AHCTF1: variants seen among roughly 807,000 people sequenced by gnomAD.
AHCTF1 encodes protein ELYS.
AHCTF1 carries 24 observed loss-of-function variants against 248.4 expected under a neutral mutation model. The observed-to-expected ratio is 0.10, with a 90% CI of 0.07 to 0.14. The LOEUF is 0.14. AHCTF1 is among the 10% of genes least tolerant of loss of function. The pLI, the probability that AHCTF1 is intolerant of heterozygous loss-of-function variation, is 1.00. For missense variants in AHCTF1, 2,206 were observed against 2,636.2 expected, an observed-to-expected ratio of 0.84 and a Z score of 3.57; for synonymous variants, 786 against 929.8, an observed-to-expected ratio of 0.85 and a Z score of 2.81.
intron 1 of AHCTF1, among the ~76,000 whole-genome samples, 179 bp from the exon 2 acceptor site, chr1:246,918,556 G>T (rs1666306773): frequency 6.6e-6 from 1 of 152,378 alleles, no homozygotes; most frequent in South Asian, 2.1e-4. Flanking sequence ...CAGCTACTTG[G>T]GAGGCTGAGG....
intron 6 of AHCTF1, 107 bp downstream of exon 6, chr1:246,905,434 T>G (rs555618531): frequency 1.3e-6 from 1 of 797,844 alleles, no homozygotes; most frequent in Non-Finnish European, 2.1e-6. Context: ...GAGGCGGAGG[T>G]TGCAGTGAGC....
rs758717529 is a variant in AHCTF1, at chr1:246,864,103, C to G, written c.3361G>C (p.Val1121Leu). 3.1e-6 allele frequency: 5 copies of G among 1,613,718 alleles called. No homozygotes were observed. Among genetic ancestry groups the G allele is most frequent in the Non-Finnish European group, 4.2e-6 (5 of 1,179,874 alleles). The change falls in exon 27 of 36, where the codon GTT becomes CTT. Residue 1121 changes from valine (V) to leucine (L), a missense_variant. Around this residue, in one of 6 missense-constraint regions of AHCTF1, gnomAD observed 955 missense variants for 1,055.6 expected, o/e 0.90. Transcript: ENST00000648844. ...SQKISRLLDL[V>L]VQPVPRPSQC... ...GAAGGCCGGGGGACAGGCTGAACAA[C>G]CAAATCTAGCAGTCTGTAATCAGAA...
intron 7 of AHCTF1, among the ~76,000 whole-genome samples, chr1:246,902,953 C>T (rs1665111037): frequency 6.6e-6 from 1 of 152,158 alleles, no homozygotes; most frequent in Non-Finnish European, 1.5e-5. Flanking sequence ...ACTGGAATAA[C>T]CATCAAAATT....
intron 3 of AHCTF1, among the ~76,000 whole-genome samples, chr1:246,914,936 CATT>C (rs1286170662): frequency 6.6e-6 from 1 of 152,220 alleles, no homozygotes; most frequent in Non-Finnish European, 1.5e-5. Flanking sequence ...AGCTCCTCAT[CATT>C]ATTTACCTGA....
chr1:246,910,111 C>T (rs573292261), intron 4 of AHCTF1, among the ~76,000 whole-genome samples: 1 of 152,326 alleles, frequency 6.6e-6, no homozygotes, highest in East Asian at 1.9e-4. Flanking sequence ...TGCCAAAATA[C>T]TAAACCTTCA....
At chr1:246,916,422 T>G (rs1263108637) in intron 2 of AHCTF1, 27 bp from the exon 3 acceptor site, 11 of 1,596,062 alleles carry the variant, frequency 6.9e-6, no homozygotes, top group Non-Finnish European at 9.4e-6. Flanking sequence ...TTGCCTATTT[T>G]AATATTGTAT....
intron 35 of AHCTF1, 41 bp downstream of exon 35, chr1:246,842,653 T>C (rs779300922): frequency 8.0e-6 from 12 of 1,503,458 alleles, no homozygotes; most frequent in South Asian, 2.3e-5. Context: ...CGAGACTGTC[T>C]CAATCAATCA....
rs367920072 is a variant in AHCTF1, at chr1:246,900,396, T to C, written c.1191A>G (p.Val397=). 1.1e-5 allele frequency: 17 copies of C among 1,600,240 alleles called. No homozygotes were observed. In the South Asian group the frequency reaches 1.3e-4, roughly 12 times the overall value. The change falls in exon 9 of 36, where the codon GTA becomes GTG. Residue 397 remains valine, a synonymous_variant. Transcript: ENST00000648844. ...GATTTATATCAAAAAGCCCCAAATA[T>C]ACAGAAGGCTTTCCCTGTCCATATA... The part of the protein sequence containing the change: ...VNIYGQGKPS[V]YLGLFDINRW...
intron 5 of AHCTF1, among the ~76,000 whole-genome samples, chr1:246,907,254 G>A (rs905180390): frequency 6.6e-6 from 1 of 152,078 alleles, no homozygotes; most frequent in Non-Finnish European, 1.5e-5. Context: ...GACTGTTGTT[G>A]ACCAAAACGT....
rs1485954134 is a variant in AHCTF1, at chr1:246,861,339, CAGTTA to C, written c.3736-49_3736-45del. The stretch of plus-strand genomic sequence containing the variant: ...AAAAGAAAAAAATTAGTAAATATCA[CAGTTA>C]AGTCTAGTCCTAAGCTACCCATCCC... On this transcript the variant is annotated intron_variant, in intron 28 of 35. Coordinates refer to ENST00000648844, the MANE Select transcript of AHCTF1 (RefSeq NM_001323342.2). 2.6e-6 allele frequency: 4 copies of C among 1,512,644 alleles called. No individual in the cohort carries two copies. The African/African-American group carries it at 5.5e-5, about 21-fold the overall frequency. 93.7% of individuals were successfully genotyped at this position (1,512,644 alleles called of 1,614,324 possible).
intron 14 of AHCTF1, among the ~76,000 whole-genome samples, chr1:246,892,353 C>T (rs1180956200): frequency 7.1e-4 from 88 of 123,432 alleles, no homozygotes; most frequent in Middle Eastern, 6.4e-3. Context: ...CTTGCTCTGT[C>T]GCCCAGGCTG....
At chr1:246,860,132 C>T (rs1275312715) in intron 29 of AHCTF1, among the ~76,000 whole-genome samples, 7 of 151,144 alleles carry the variant, frequency 4.6e-5, no homozygotes, top group Admixed American at 6.6e-5. Context: ...TGGTGGGGGG[C>T]GACTATAGTC....
chr1:246,861,324 AATTAGTAAAT>A (rs1661533686), intron 28 of AHCTF1, 29 bp from the exon 29 acceptor site: 2 of 1,557,196 alleles, frequency 1.3e-6, no homozygotes, highest in East Asian at 4.5e-5. Flanking sequence ...AAAAGAAAAA[AATTAGTAAAT>A]ATCACAGTTA....
intron 1 of AHCTF1, among the ~76,000 whole-genome samples, chr1:246,922,904 A>G (rs1224230915): frequency 6.8e-6 from 1 of 147,542 alleles, no homozygotes; most frequent in Non-Finnish European, 1.5e-5. Context: ...AATGGCATGA[A>G]CCCAGGAGGC....
chr1:246,881,808 A>T (rs1489114542), intron 21 of AHCTF1, among the ~76,000 whole-genome samples: 1 of 146,216 alleles, frequency 6.8e-6, no homozygotes, highest in Admixed American at 6.9e-5. Context: ...ACTGCACCCC[A>T]GCCTGGGTAA....
At position 246,887,368 on chromosome 1, in the gene AHCTF1, G is replaced by C. The variant is rs1186928613; in HGVS notation, c.2326-11C>G. 5.0e-6 allele frequency: 8 copies of C among 1,602,594 alleles called. No homozygotes were observed. Among genetic ancestry groups the C allele is most frequent in the Non-Finnish European group, 6.8e-6 (8 of 1,175,290 alleles). ...TAGCAAATAAATGGTCTTTTAAAAA[G>C]CGGATTAAGGACAATAAAATACAAC... On this transcript the variant is annotated splice_polypyrimidine_tract_variant and intron_variant, in intron 19 of 35. Transcript: ENST00000648844.
At chr1:246,859,764 G>A (rs2103062975) in intron 29 of AHCTF1, among the ~76,000 whole-genome samples, 1 of 152,092 alleles carries the variant, frequency 6.6e-6, no homozygotes, top group African/African-American at 2.4e-5. Flanking sequence ...TTTTTGTAGA[G>A]ATGGGGTCTC....
At chr1:246,911,720 G>C (rs2103209511) in intron 4 of AHCTF1, among the ~76,000 whole-genome samples, 1 of 152,242 alleles carries the variant, frequency 6.6e-6, no homozygotes, top group Admixed American at 6.5e-5. Flanking sequence ...CCGACCTCAA[G>C]TGATCCACCC....
intron 14 of AHCTF1, among the ~76,000 whole-genome samples, chr1:246,892,697 T>C (rs963663401): frequency 1.3e-5 from 2 of 152,144 alleles, no homozygotes; most frequent in Non-Finnish European, 2.9e-5. Flanking sequence ...AATGGTACGA[T>C]CACAGCTCAC....
Sources: allele counts gnomAD v4.1 joint callset (sites outside exome capture counted in the v4.1 genomes callset), GRCh38; gene constraint gnomAD v4.1.1; regional missense constraint gnomAD v4.1.1; transcripts MANE v1.5; gene names NCBI Gene and HGNC (gene_info 2026-07-23, HGNC 2026-07-21).